STAMBP: variants seen among roughly 807,000 people sequenced by gnomAD.
STAMBP encodes STAM-binding protein.
A neutral mutation model predicts 50.7 loss-of-function variants in STAMBP; 31 were observed. The observed-to-expected ratio is 0.61, with a 90% CI of 0.46 to 0.83. The LOEUF (loss-of-function observed/expected upper bound fraction) is 0.83. Among genes scored for constraint, STAMBP ranks in the 40% least tolerant of loss-of-function variants. The pLI is 0.00. For synonymous variants in STAMBP, 211 were observed against 192.4 expected, an observed-to-expected ratio of 1.10 and a Z score of -0.80; for missense variants, 472 against 518.9, an observed-to-expected ratio of 0.91 and a Z score of 0.88.
intron 2 of STAMBP, among the ~76,000 whole-genome samples, chr2:73,836,619 G>A (rs746418538): frequency 2.6e-5 from 4 of 152,228 alleles, no homozygotes; most frequent in East Asian, 1.9e-4. Flanking sequence ...AGAACACTCC[G>A]CTTGGCCCGG....
intron 2 of STAMBP, among the ~76,000 whole-genome samples, chr2:73,840,535 G>A (rs1268485160): frequency 4.6e-5 from 7 of 151,836 alleles, no homozygotes; most frequent in Admixed American, 6.6e-5. Flanking sequence ...CCTGAGGTCA[G>A]GAGTTGGAGA....
chr2:73,834,221 AAAAAAAAAAAAAAAAATATAT>A (rs1160666951), intron 2 of STAMBP, among the ~76,000 whole-genome samples: 12 of 21,694 alleles, frequency 5.5e-4, no homozygotes, highest in Non-Finnish European at 9.6e-4. Context: ...AAAAAAAAAA[AAAAAAAAAAAAAAAAATATAT>A]ATATATATAT....
At chr2:73,849,332 G>A in intron 5 of STAMBP, 31 bp from the exon 6 acceptor site, 1 of 1,612,460 alleles carries the variant, frequency 6.2e-7, no homozygotes, top group South Asian at 1.1e-5. Flanking sequence ...GGGCTCAGTG[G>A]TCGCAGACTA....
chr2:73,858,882 G>C (rs146476005), intron 7 of STAMBP, among the ~76,000 whole-genome samples: 35 of 152,094 alleles, frequency 2.3e-4, no homozygotes, highest in African/African-American at 8.5e-4. Context: ...GTATGTCAGA[G>C]TAGTCCCCCC....
chr2:73,845,059 T>G, intron 3 of STAMBP, 108 bp from the exon 4 acceptor site: 1 of 1,552,196 alleles, frequency 6.4e-7, no homozygotes, highest in Non-Finnish European at 8.7e-7. Context: ...AGGGGGTATT[T>G]TAAATCATTT....
chr2:73,847,788 G>T, intron 5 of STAMBP, 35 bp downstream of exon 5: 1 of 1,589,200 alleles, frequency 6.3e-7, no homozygotes, highest in Non-Finnish European at 8.5e-7. Flanking sequence ...TTCCTTCTCA[G>T]TTGCAGCCAA....
At chr2:73,851,520 G>C (rs896935308) in intron 7 of STAMBP, among the ~76,000 whole-genome samples, 16 of 152,204 alleles carry the variant, frequency 1.1e-4, no homozygotes, top group African/African-American at 3.9e-4. Flanking sequence ...TGGCAAGCTG[G>C]GCCAAGGGCA....
chr2:73,831,168 T>C (rs1300446087), intron 2 of STAMBP, 109 bp downstream of exon 2: 9 of 893,340 alleles, frequency 1.0e-5, no homozygotes, highest in Non-Finnish European at 1.6e-5. Context: ...CATTAATCAT[T>C]TTTGCTGGCA....
chr2:73,859,104 ATC>A (rs1413303340), intron 7 of STAMBP, 148 bp from the exon 8 acceptor site: 4 of 615,096 alleles, frequency 6.5e-6, no homozygotes, highest in Admixed American at 2.6e-5. Flanking sequence ...TGTGAAGATG[ATC>A]TCTCTTTCTC....
In STAMBP at chr2:73,831,333, A is replaced by G. The variant is rs559605249; in HGVS notation, c.203+274A>G. 5.3e-5 allele frequency among the ~76,000 whole-genome samples: 8 copies of G among 152,348 alleles called. No homozygotes were observed. In the South Asian group the frequency reaches 1.7e-3, roughly 32 times the overall value. ...AAAAGAGTTGGTGGTTAAACTAGAC[A>G]TATTATGTTCTGATGAATGCTTTTA... is the stretch of plus-strand genomic sequence containing the variant. On this transcript the variant is annotated intron_variant, in intron 2 of 9. Transcript: ENST00000394070.
At chr2:73,859,108 CTCTT>C (rs1403000077) in intron 7 of STAMBP, 142 bp from the exon 8 acceptor site, 9 of 622,148 alleles carry the variant, frequency 1.4e-5, no homozygotes, top group African/African-American at 5.4e-5. Flanking sequence ...AAGATGATCT[CTCTT>C]TCTCAAAGTA....
chr2:73,832,572 G>GATATAC (rs1000975784), intron 2 of STAMBP, among the ~76,000 whole-genome samples: 60 of 151,886 alleles, frequency 4.0e-4, no homozygotes, highest in Non-Finnish European at 1.6e-4. Context: ...TCCAAGAGAT[G>GATATAC]ATATACACAT....
downstream of STAMBP, among the ~76,000 whole-genome samples, chr2:73,868,947 C>G (rs17404114): frequency 2.8e-4 from 43 of 152,270 alleles, no homozygotes; most frequent in Non-Finnish European, 4.7e-4. Flanking sequence ...TATATAACAC[C>G]CAGCGTCATA....
chr2:73,859,402 G>A lies in STAMBP; in HGVS notation c.1118+36G>A, dbSNP rs777703936. ...AGGGCATGGTTCTGGGTGTTTCAAG[G>A]GGGTAGTAGGGAAGAAAGCCTCAGG... On this transcript the variant is annotated intron_variant, in intron 8 of 9. Coordinates refer to ENST00000394070, the MANE Select transcript of STAMBP (RefSeq NM_213622.4). 5.2e-6 allele frequency: 8 copies of A among 1,533,766 alleles called. No individual in the cohort carries two copies. The Admixed American group carries it at 1.0e-4, about 19-fold the overall frequency.
At chr2:73,835,244 C>T (rs1029307477) in intron 2 of STAMBP, among the ~76,000 whole-genome samples, 1 of 151,882 alleles carries the variant, frequency 6.6e-6, no homozygotes, top group East Asian at 1.9e-4. Context: ...ATCCCAGCTA[C>T]CCGAGAGGCT....
downstream of STAMBP, among the ~76,000 whole-genome samples, chr2:73,871,650 T>A (rs1679204803): frequency 6.6e-6 from 1 of 152,220 alleles, no homozygotes; most frequent in African/African-American, 2.4e-5. Flanking sequence ...TCAAGGCTAA[T>A]TTTTTATTCA....
Position 73,847,604 on chromosome 2 carries a change from C to T in STAMBP, c.593C>T (p.Pro198Leu). ...VDPGLGGPLV[P>L]DLEKPSLDVF... ...CCTGGCCTAGGTGGCCCGCTAGTGCCTGACTTGGAGAAGCCCTCCTTAGAT... is the reference window on the plus strand; with the variant it reads ...CCTGGCCTAGGTGGCCCGCTAGTGCTTGACTTGGAGAAGCCCTCCTTAGAT... Residue 198 changes from proline (P) to leucine (L), a missense_variant, in exon 5 of 10, where the codon CCT (proline) becomes CTT (leucine). Pro to Leu is a moderately conservative substitution (Grantham distance 98). Coordinates refer to ENST00000394070, the MANE Select transcript of STAMBP (RefSeq NM_213622.4). 3 of 1,614,200 alleles carry T rather than the reference C, an allele frequency of 1.9e-6. No individual in the cohort carries two copies. The highest frequency in any genetic ancestry group is 2.5e-6 in the Non-Finnish European group (3 of 1,180,032).
chr2:73,847,398 A>C lies in STAMBP; in HGVS notation c.387A>C (p.Ala129=). The C allele has an allele frequency of 1.2e-6, 2 of 1,602,434 alleles. No individual in the cohort carries two copies. The highest frequency in any genetic ancestry group is 1.7e-6 in the Non-Finnish European group (2 of 1,173,318). ...TEYNEEKKKE[A]EELARNMAIQ... is the part of the protein sequence containing the mutation. Reference sequence around the variant, plus strand: ...TTCTCTCTTTGTAGAAGAAGGAAGCAGAGGAATTGGCCCGGAACATGGCCA... The same window carrying C: ...TTCTCTCTTTGTAGAAGAAGGAAGCCGAGGAATTGGCCCGGAACATGGCCA... The change falls in exon 5 of 10, where the codon GCA becomes GCC. Residue 129 remains alanine (A), a synonymous_variant. Coordinates refer to ENST00000394070, the MANE Select transcript of STAMBP (RefSeq NM_213622.4).
intron 7 of STAMBP, among the ~76,000 whole-genome samples, chr2:73,852,506 C>A (rs1315865953): frequency 6.6e-6 from 1 of 152,166 alleles, no homozygotes; most frequent in Non-Finnish European, 1.5e-5. Context: ...TAGTGCTGAT[C>A]TTGGAAGCCC....
Sources: gnomAD v4.1 joint callset for allele counts (sites outside exome capture counted in the v4.1 genomes callset) on GRCh38, gnomAD v4.1.1 for gene constraint, MANE v1.5 for transcripts, NCBI Gene and HGNC (gene_info 2026-07-23, HGNC 2026-07-21) for gene names.